Variants in CRIP3 observed in about 807,000 individuals in gnomAD.
CRIP3 encodes the protein cysteine-rich protein 3.
In CRIP3, 23 loss-of-function variants were observed where a neutral mutation model predicts 30.3. The ratio of observed to expected loss-of-function variants is 0.76; its 90% CI spans 0.55 to 1.08. CRIP3 has a LOEUF of 1.08. Among genes scored for constraint, CRIP3 ranks in the 50% least tolerant of loss-of-function variants. The pLI is 0.00. For missense variants in CRIP3, 261 were observed against 259.3 expected, an observed-to-expected ratio of 1.01 and a Z score of -0.04; for synonymous variants, 89 against 97.6, an observed-to-expected ratio of 0.91 and a Z score of 0.52.
chr6:43,308,290 G>A (rs1242708495), intron 2 of CRIP3, 25 bp downstream of exon 2: 3 of 1,576,434 alleles, frequency 1.9e-6, no homozygotes, highest in African/African-American at 1.4e-5. Flanking sequence ...TGTAAACAGG[G>A]CAGTGCTCCC....
At chr6:43,307,572 G>A (rs1778971751) in intron 4 of CRIP3, 40 bp downstream of exon 4, 3 of 1,391,672 alleles carry the variant, frequency 2.2e-6, no homozygotes, top group South Asian at 4.1e-5. Flanking sequence ...CTTGGGGAAG[G>A]GTCGGGAGGA....
chr6:43,307,768 G>A lies in CRIP3; in HGVS notation c.197-25C>T, dbSNP rs1260433168. On this transcript the variant is annotated intron_variant, in intron 3 of 7. Coordinates refer to ENST00000372569, the MANE Select transcript of CRIP3 (RefSeq NM_206922.3). Reference sequence around the variant, plus strand: ...CCTGAAGAGAGAATAGGGGAGGTCAGGCTTGAGCCCCCAGCTCCCAGCCAC... The same window carrying A: ...CCTGAAGAGAGAATAGGGGAGGTCAAGCTTGAGCCCCCAGCTCCCAGCCAC... 10 of 1,607,282 alleles carry A rather than the reference G, an allele frequency of 6.2e-6. No individual in the cohort carries two copies. In the African/African-American group the frequency reaches 6.7e-5, roughly 11 times the overall value.
intron 4 of CRIP3, 134 bp downstream of exon 4, chr6:43,307,478 A>G: frequency 1.2e-6 from 1 of 843,256 alleles, no homozygotes; most frequent in Non-Finnish European, 1.7e-6. Flanking sequence ...GTAGATAGAG[A>G]AGACTTTGCC....
chr6:43,307,408 C>A, intron 4 of CRIP3: 1 of 420,292 alleles, frequency 2.4e-6, no homozygotes. Flanking sequence ...AACAATTTAC[C>A]TCTTAACTCA....
intron 7 of CRIP3, 27 bp downstream of exon 7, chr6:43,306,040 C>T: frequency 6.2e-7 from 1 of 1,609,732 alleles, no homozygotes. Flanking sequence ...TACATGCCAT[C>T]CCAGTGTCTG....
At position 43,307,987 on chromosome 6, in the gene CRIP3, T is replaced by TGTCCACTGGCTGAGTCA. The variant is rs538248259; in HGVS notation, c.139-92_139-91insTGACTCAGCCAGTGGAC. ...CCCCAGACAGGCTGCCAGGTGTGTC[T>TGTCCACTGGCTGAGTCA]GTCCACTGGCTGAGTCTGGTGGGCC... On this transcript the variant is annotated intron_variant, in intron 2 of 7. Transcript: ENST00000372569. The TGTCCACTGGCTGAGTCA allele has an allele frequency of 4.3e-4, 602 of 1,402,268 alleles. 5 individuals carry two copies. The African/African-American group carries it at 7.6e-3, about 18-fold the overall frequency. The allele number at this position is 1,402,268 out of a possible 1,614,324, so 86.9% of individuals were successfully genotyped here.
At position 43,305,727 on chromosome 6, in the gene CRIP3, A is replaced by T; in HGVS notation, c.*87T>A. The T allele has an allele frequency of 6.5e-7, 1 of 1,536,272 alleles. No homozygotes were observed. Among genetic ancestry groups the T allele is most frequent in the South Asian group, 1.1e-5 (1 of 89,234 alleles). ...CAAGATCCCACCTTCCCCAACCCCC[A>T]TGGGACTGGAGATTTTTGTAGCTTC... On this transcript the variant is annotated 3_prime_UTR_variant, in exon 8 of 8. Coordinates refer to ENST00000372569, the MANE Select transcript of CRIP3 (RefSeq NM_206922.3).
rs754691843 is a variant in CRIP3 at position 43,308,281 on chromosome 6, G to A, written c.138+34C>T. 3.2e-6 allele frequency: 5 copies of A among 1,542,148 alleles called. No homozygotes were observed. The Admixed American group carries it at 7.3e-5, about 23-fold the overall frequency. On this transcript the variant is annotated intron_variant, in intron 2 of 7. Transcript: ENST00000372569. ...TGCCTGGGGGGTGGGAGGCAGTGATGTAAACAGGGCAGTGCTCCCTGGCCA... is the reference window on the plus strand; with the variant it reads ...TGCCTGGGGGGTGGGAGGCAGTGATATAAACAGGGCAGTGCTCCCTGGCCA...
intron 4 of CRIP3, 137 bp from the exon 5 acceptor site, chr6:43,306,654 T>G (rs989728492): frequency 7.2e-6 from 5 of 690,818 alleles, no homozygotes; most frequent in Non-Finnish European, 1.2e-5. Context: ...GTCTGCCTTC[T>G]ACAGGCCCAG....
At chr6:43,308,255 G>C in intron 2 of CRIP3, 60 bp downstream of exon 2, 1 of 1,427,528 alleles carries the variant, frequency 7.0e-7, no homozygotes, top group Non-Finnish European at 9.6e-7. Flanking sequence ...TTGGGGGCTG[G>C]TGCCTGGGGG....
chr6:43,306,054 T>A lies in CRIP3; in HGVS notation c.553+13A>T. On this transcript the variant is annotated intron_variant, in intron 7 of 7. Coordinates refer to ENST00000372569, the MANE Select transcript of CRIP3 (RefSeq NM_206922.3). The stretch of plus-strand genomic sequence containing the variant: ...GTACATGCCATCCCAGTGTCTGGGA[T>A]GGGGCTGCCCACCTTTGGGGCCAAA... The A allele has an allele frequency of 6.2e-7, 1 of 1,612,034 alleles. No individual in the cohort carries two copies. Among genetic ancestry groups the A allele is most frequent in the Non-Finnish European group, 8.5e-7 (1 of 1,178,980 alleles).
At chr6:43,308,171 G>T in intron 2 of CRIP3, 144 bp downstream of exon 2, 1 of 745,970 alleles carries the variant, frequency 1.3e-6, no homozygotes, top group Non-Finnish European at 2.2e-6. Context: ...TTCCTGGCTG[G>T]TGTGGGGTCC....
rs1444286366 is a variant in CRIP3, at chr6:43,308,808, AGCGCAC to A, written c.-22_-17del. ...TCCAGCTCATAGCTCCGCTCCAGGC[AGCGCAC>A]GCGGCACACAGTAGGTACGCCGCTG... On this transcript the variant is annotated 5_prime_UTR_variant, in exon 1 of 8. Transcript: ENST00000372569. 2.5e-6 allele frequency: 4 copies of A among 1,613,832 alleles called. No homozygotes were observed. The East Asian group carries it at 8.9e-5, about 36-fold the overall frequency.
At chr6:43,307,491 G>A (rs975141233) in intron 4 of CRIP3, 121 bp downstream of exon 4, 24 of 988,458 alleles carry the variant, frequency 2.4e-5, no homozygotes, top group Non-Finnish European at 3.2e-5. Flanking sequence ...ACTTTGCCAA[G>A]AATGAAGTTG....
rs1562119788 is a variant in CRIP3 at position 43,308,327 on chromosome 6, G to T, written c.126C>A (p.Gly42=). Residue 42 remains glycine (G), a synonymous_variant, in exon 2 of 8, where the codon GGC becomes GGA. Transcript: ENST00000372569. ...GGCCAGGTCTTACCTCTGCATGCCCGCCAGGGGACAGGATGCTGTGGCAGC... is the reference window on the plus strand; with the variant it reads ...GGCCAGGTCTTACCTCTGCATGCCCTCCAGGGGACAGGATGCTGTGGCAGC... ...CERCHSILSP[G]GHAEHNGRPY... 1.2e-6 allele frequency: 2 copies of T among 1,612,510 alleles called. No homozygotes were observed. Among genetic ancestry groups the T allele is most frequent in the Non-Finnish European group, 1.7e-6 (2 of 1,179,446 alleles).
Position 43,305,775 on chromosome 6 carries a change from T to C in CRIP3, c.*39A>G, listed in dbSNP as rs201423675. ...TTCCATTGGACCATGAGGGGCATGA[T>C]GGGAGGCCTGAGTTAGGGTGACCTT... On this transcript the variant is annotated 3_prime_UTR_variant, in exon 8 of 8. Transcript: ENST00000372569. 5 of 1,611,526 alleles carry C rather than the reference T, an allele frequency of 3.1e-6. No homozygotes were observed. The African/African-American group carries it at 4.0e-5, about 13-fold the overall frequency.
Position 43,307,701 on chromosome 6 carries a change from G to T in CRIP3, c.239C>A (p.Pro80His), listed in dbSNP as rs752932709. ...GGVGSYLYNP[P>H]TPSPGCTTPL... Reference sequence around the variant, plus strand: ...AGTGGTGCAGCCAGGGCTGGGAGTGGGGGGATTGTACAAGTAGGAGCCTAC... The same window carrying T: ...AGTGGTGCAGCCAGGGCTGGGAGTGTGGGGATTGTACAAGTAGGAGCCTAC... The change falls in exon 4 of 8, where the codon CCC becomes CAC. Residue 80 changes from proline to histidine, a missense_variant. By Grantham distance (77) the Pro-to-His change is moderately conservative. Coordinates refer to ENST00000372569, the MANE Select transcript of CRIP3 (RefSeq NM_206922.3). The T allele has an allele frequency of 1.9e-5, 30 of 1,553,586 alleles. No homozygotes were observed. The African/African-American group carries it at 4.0e-4, about 21-fold the overall frequency.
At chr6:43,306,737 GC>G (rs1778942654) in intron 4 of CRIP3, 1 of 517,116 alleles carries the variant, frequency 1.9e-6, no homozygotes, top group African/African-American at 2.0e-5. Context: ...TCCTTCTCCT[GC>G]TTCCTTTTCA....
Position 43,308,773 on chromosome 6 carries a change from C to A in CRIP3, c.20G>T (p.Arg7Leu). The A allele has an allele frequency of 6.2e-7, 1 of 1,614,112 alleles. No homozygotes were observed. The highest frequency in any genetic ancestry group is 8.5e-7 in the Non-Finnish European group (1 of 1,180,044). Reference sequence around the variant, plus strand: ...ACCGAAGAAAACAGGTTGCTGGCAACGCGGACAGGTCCAGCTCATAGCTCC... The same window carrying A: ...ACCGAAGAAAACAGGTTGCTGGCAAAGCGGACAGGTCCAGCTCATAGCTCC... Reference protein sequence around the residue: MSWTCPRCQQPVFFAEK... With the variant: MSWTCPLCQQPVFFAEK... Residue 7 changes from arginine (R) to leucine (L), a missense_variant, in exon 1 of 8, where the codon CGT becomes CTT. Arg to Leu is a moderately radical substitution (Grantham distance 102). Coordinates refer to ENST00000372569, the MANE Select transcript of CRIP3 (RefSeq NM_206922.3).
Sources: gnomAD v4.1 joint callset for allele counts on GRCh38, gnomAD v4.1.1 for gene constraint, MANE v1.5 for transcripts, NCBI Gene and HGNC (gene_info 2026-07-23, HGNC 2026-07-21) for gene names.